EFCAB6: variants seen among roughly 807,000 people sequenced by gnomAD.
EFCAB6 encodes EF-hand calcium binding domain 6.
In EFCAB6, 156 loss-of-function variants were observed where a neutral mutation model predicts 169.8. The observed-to-expected ratio is 0.92, with a 90% confidence interval of 0.81 to 1.05. The LOEUF (loss-of-function observed/expected upper bound fraction) is 1.05, where lower values mean the gene tolerates loss of function less well. EFCAB6 is among the 50% of genes least tolerant of loss of function. The pLI is 0.00. For missense variants in EFCAB6, 1,800 were observed against 1,829.1 expected (o/e 0.98, Z 0.29); for synonymous variants, 698 against 676.4 (o/e 1.03, Z -0.50).
rs2062457713 is a variant in EFCAB6 at position 43,795,162 on chromosome 22, T to A, written c.-7-12837A>T. Among the ~76,000 whole-genome samples the A allele has an allele frequency of 6.6e-6, 1 of 152,154 alleles. No individual in the cohort carries two copies. The highest frequency in any genetic ancestry group is 2.4e-5 in the African/African-American group (1 of 41,418). On this transcript the variant is annotated intron_variant, in intron 2 of 31. Coordinates refer to ENST00000262726, the MANE Select transcript of EFCAB6 (RefSeq NM_022785.4). The surrounding 1 kb of genome is among the most constrained non-coding windows in gnomAD (Gnocchi z 4.2). The stretch of plus-strand genomic sequence containing the variant: ...ACAAACTGCGGAAAGTGAATATATT[T>A]TAATGGAGTAGGATATCACTGCTAT...
intron 13 of EFCAB6, among the ~76,000 whole-genome samples, chr22:43,676,979 G>A (rs535121557): frequency 1.3e-5 from 2 of 152,248 alleles, no homozygotes; most frequent in African/African-American, 4.8e-5. Context: ...AGTGCATCTC[G>A]TGATATTACT....
intron 8 of EFCAB6, among the ~76,000 whole-genome samples, chr22:43,718,584 AC>A (rs768796031): frequency 2.6e-5 from 4 of 152,136 alleles, no homozygotes; most frequent in Admixed American, 6.5e-5. Flanking sequence ...GGAGTTTGAG[AC>A]CAAACTGGCC....
chr22:43,803,093 C>T (rs1417840844), intron 2 of EFCAB6, among the ~76,000 whole-genome samples: 1 of 152,128 alleles, frequency 6.6e-6, no homozygotes, highest in African/African-American at 2.4e-5. Flanking sequence ...TTTTTATGTC[C>T]TCTTTTCTCT....
intron 17 of EFCAB6, among the ~76,000 whole-genome samples, chr22:43,666,688 ATTGTTT>A (rs1176182140): frequency 1.2e-5 from 1 of 84,332 alleles, no homozygotes; most frequent in African/African-American, 4.0e-5. Context: ...TCACTGCCAG[ATTGTTT>A]TTTTTTTTTT....
chr22:43,612,767 A>C (rs1435740236), intron 21 of EFCAB6, among the ~76,000 whole-genome samples: 1 of 151,962 alleles, frequency 6.6e-6, no homozygotes, highest in Non-Finnish European at 1.5e-5. Context: ...GGTGGCATGC[A>C]CCTGTAGTCC....
In EFCAB6 at chr22:43,678,090, G is replaced by T. The variant is rs200192772; in HGVS notation, c.1325C>A (p.Ser442Ter). 8.3e-5 allele frequency: 134 copies of T among 1,612,330 alleles called. 1 individual carries two copies. Among genetic ancestry groups the T allele is most frequent in the South Asian group, 2.0e-4 (18 of 91,046 alleles). Reference sequence around the variant, plus strand: ...CATTTGCATTAGTTCTTTGAATTCTGAATCGCTTAGTTTTACAGCCATGCA... The same window carrying T: ...CATTTGCATTAGTTCTTTGAATTCTTAATCGCTTAGTTTTACAGCCATGCA... ...LNCMAVKLSD[S>*]EFKELMQMLD... is the part of the protein sequence containing the mutation. Residue 442 changes from serine (S) to a stop codon, truncating the protein, a stop_gained, in exon 13 of 32, where the codon TCA becomes TAA. Transcript: ENST00000262726. LOFTEE classifies it high-confidence loss of function.
intron 1 of EFCAB6, among the ~76,000 whole-genome samples, chr22:43,810,291 A>G (rs1352728067): frequency 6.6e-6 from 1 of 152,242 alleles, no homozygotes; most frequent in Admixed American, 6.5e-5. Flanking sequence ...TAGTATTAGT[A>G]GTTGCTGTAG....
intron 23 of EFCAB6, among the ~76,000 whole-genome samples, chr22:43,599,287 A>G (rs1181839868): frequency 6.6e-6 from 1 of 152,024 alleles, no homozygotes; most frequent in Non-Finnish European, 1.5e-5. Flanking sequence ...AGGCAGGTGG[A>G]TCGCTTGAGG....
chr22:43,613,570 T>C (rs185711039), intron 21 of EFCAB6, among the ~76,000 whole-genome samples: 48 of 151,082 alleles, frequency 3.2e-4, no homozygotes, highest in African/African-American at 1.0e-3. Context: ...TGAGAACACA[T>C]GGACACAAAG....
intron 8 of EFCAB6, 108 bp downstream of exon 8, chr22:43,731,591 A>G (rs1001117893): frequency 1.7e-6 from 1 of 600,682 alleles, no homozygotes; most frequent in African/African-American, 1.9e-5. Flanking sequence ...TTTGTAGATA[A>G]TGTATTTCCT....
At chr22:43,662,729 C>T (rs1400254020) in intron 17 of EFCAB6, among the ~76,000 whole-genome samples, 1 of 152,206 alleles carries the variant, frequency 6.6e-6, no homozygotes, top group Non-Finnish European at 1.5e-5. Flanking sequence ...TACCTTGAAA[C>T]ACACGGCCAT....
At chr22:43,722,470 G>A (rs951458557) in intron 8 of EFCAB6, among the ~76,000 whole-genome samples, 1 of 151,634 alleles carries the variant, frequency 6.6e-6, no homozygotes. Context: ...GGCAGAGGTT[G>A]CAGTGAGCCG....
At chr22:43,788,414 G>A (rs2062157277) in intron 2 of EFCAB6, among the ~76,000 whole-genome samples, 2 of 152,020 alleles carry the variant, frequency 1.3e-5, no homozygotes, top group Non-Finnish European at 2.9e-5. Context: ...TAGAAAAATG[G>A]GCTAGGGATT....
Position 43,782,214 on chromosome 22 carries a change from C to A in EFCAB6, c.105G>T (p.Arg35Ser), listed in dbSNP as rs748214184. 23 of 1,612,456 alleles carry A rather than the reference C, an allele frequency of 1.4e-5. No individual in the cohort carries two copies. The highest frequency in any genetic ancestry group is 3.3e-4 in the Middle Eastern group (2 of 6,076). ...PHSSPCRVYS[R>S]NGSPNKFRSS... is the part of the protein sequence containing the mutation. ...ATCTGAACTTATTTGGGGAACCATT[C>A]CTTGAATATACTCTACACGGTGAAG... The change falls in exon 3 of 32, where the codon AGG becomes AGT. Residue 35 changes from arginine to serine, a missense_variant. Physicochemically the swap from Arg to Ser is moderately radical, Grantham distance 110. Transcript: ENST00000262726.
intron 17 of EFCAB6, among the ~76,000 whole-genome samples, chr22:43,650,947 G>A (rs1440120798): frequency 6.6e-6 from 1 of 152,190 alleles, no homozygotes; most frequent in Non-Finnish European, 1.5e-5. Context: ...GGTGACTTGG[G>A]TGATGTTAAA....
rs1386139492 is a variant in EFCAB6 at position 43,598,310 on chromosome 22, GGAAAAAAAAAA to G, written c.2876+1748_2876+1758del. 6.9e-5 allele frequency among the ~76,000 whole-genome samples: 4 copies of G among 57,660 alleles called. 1 individual carries two copies. The highest frequency in any genetic ancestry group is 1.0e-4 in the Non-Finnish European group (3 of 29,122). 37.8% of individuals were successfully genotyped at this position (57,660 alleles called of 152,430 possible). A position where few individuals can be genotyped will look rare whatever the true frequency, so the allele number is the denominator to read the frequency against. On this transcript the variant is annotated intron_variant, in intron 23 of 31. Coordinates refer to ENST00000262726, the MANE Select transcript of EFCAB6 (RefSeq NM_022785.4). ...TGATGAAAGTGAGACACTGTCTCCG[GGAAAAAAAAAA>G]AAAAAAAAAAAAAAAAAGGTTGATC...
intron 2 of EFCAB6, among the ~76,000 whole-genome samples, chr22:43,807,157 C>T (rs931097538): frequency 2.0e-5 from 3 of 152,186 alleles, no homozygotes; most frequent in African/African-American, 7.2e-5. Context: ...TCTTGATGGA[C>T]CACAGTTATC....
At chr22:43,683,539 C>T (rs752546386) in intron 12 of EFCAB6, 11 of 541,840 alleles carry the variant, frequency 2.0e-5, no homozygotes, top group Admixed American at 6.3e-5. Flanking sequence ...AATTTTCCAT[C>T]GTCCGTCTTC....
rs2062131384 is a variant in EFCAB6, at chr22:43,787,658, A to G, written c.-7-5333T>C. On this transcript the variant is annotated intron_variant, in intron 2 of 31. Coordinates refer to ENST00000262726, the MANE Select transcript of EFCAB6 (RefSeq NM_022785.4). ...CATGGATAAGATGGCAATACTCTCC[A>G]AACTGATCTATAGCTTCAACCCAAT... is the stretch of plus-strand genomic sequence containing the variant. Among the ~76,000 whole-genome samples the G allele has an allele frequency of 3.3e-5, 5 of 152,320 alleles. No individual in the cohort carries two copies. In the South Asian group the frequency reaches 8.3e-4, roughly 25 times the overall value.
Sources: gnomAD v4.1 joint callset for allele counts (sites outside exome capture counted in the v4.1 genomes callset) on GRCh38, gnomAD v4.1.1 for gene constraint, Gnocchi (gnomAD v3.1) non-coding constraint, MANE v1.5 for transcripts, NCBI Gene and HGNC (gene_info 2026-07-23, HGNC 2026-07-21) for gene names.